Variants in COL28A1 observed in about 807,000 individuals in gnomAD.
COL28A1 encodes the protein collagen type XXVIII alpha 1 chain.
A neutral mutation model predicts 150.2 loss-of-function variants in COL28A1; 161 were observed. The observed-to-expected ratio is 1.07, with a 90% CI of 0.94 to 1.22. The LOEUF (loss-of-function observed/expected upper bound fraction) is 1.22, where lower values mean the gene tolerates loss of function less well. Ranked by LOEUF, COL28A1 falls within the 50% of genes most tolerant of loss-of-function variation. The probability of loss-of-function intolerance (pLI) is 0.00; values close to 1 mark genes in which losing one functional copy is unlikely to be tolerated. For missense variants in COL28A1, 1,617 were observed against 1,388.3 expected, an observed-to-expected ratio of 1.16 and a Z score of -2.62; for synonymous variants, 552 against 469.7, an observed-to-expected ratio of 1.18 and a Z score of -2.26.
rs1460074612 is a variant in COL28A1 at position 7,531,889 on chromosome 7, A to G, written c.140T>C (p.Ile47Thr). The G allele has an allele frequency of 1.2e-6, 2 of 1,600,462 alleles. No homozygotes were observed. Among genetic ancestry groups the G allele is most frequent in the Admixed American group, 1.7e-5 (1 of 59,494 alleles). ...GCTGTCCACGATGAAGACAATATCT[A>G]TGAAACAAATGGAGCCTGAAACAGA... Reference protein sequence around the residue: ...KSDVQGSICFIDIVFIVDSSE... With the variant: ...KSDVQGSICFTDIVFIVDSSE... Residue 47 changes from isoleucine (I) to threonine (T), a missense_variant, in exon 3 of 35, where the codon ATA (isoleucine) becomes ACA (threonine). Physicochemically the swap from Ile to Thr is moderately conservative, Grantham distance 89. Coordinates refer to ENST00000399429, the MANE Select transcript of COL28A1 (RefSeq NM_001037763.3).
intron 14 of COL28A1, 30 bp downstream of exon 14, chr7:7,477,080 GCA>G: frequency 1.1e-6 from 1 of 908,588 alleles, no homozygotes; most frequent in Non-Finnish European, 1.9e-6. Context: ...GTAAGACAAA[GCA>G]CCTTTTCCTG....
At chr7:7,380,730 G>GT in intron 29 of COL28A1, 35 bp from the exon 30 acceptor site, 5 of 1,613,006 alleles carry the variant, frequency 3.1e-6, no homozygotes, top group Non-Finnish European at 4.2e-6. Flanking sequence ...GTCAATATAG[G>GT]TTGGAACCAG....
At position 7,433,047 on chromosome 7, in the gene COL28A1, AATAAAAAC is replaced by A. The variant is rs558654319; in HGVS notation, c.1861-355_1861-348del. 5.9e-5 allele frequency among the ~76,000 whole-genome samples: 9 copies of A among 152,294 alleles called. No homozygotes were observed. The East Asian group carries it at 1.3e-3, about 23-fold the overall frequency. On this transcript the variant is annotated intron_variant, in intron 23 of 34. Coordinates refer to ENST00000399429, the MANE Select transcript of COL28A1 (RefSeq NM_001037763.3). ...CGGGGAATAAATAAACCCAGATGAA[AATAAAAAC>A]ACATTAATTTTTCAAAAACAAGTTA...
At chr7:7,526,060 G>A (rs1232399612) in intron 3 of COL28A1, among the ~76,000 whole-genome samples, 3 of 152,230 alleles carry the variant, frequency 2.0e-5, no homozygotes, top group Admixed American at 1.3e-4. Context: ...TAGGAACTCA[G>A]ATACACTGAT....
intron 25 of COL28A1, among the ~76,000 whole-genome samples, chr7:7,421,342 G>T (rs1343552729): frequency 6.6e-6 from 1 of 152,148 alleles, no homozygotes; most frequent in East Asian, 1.9e-4. Context: ...GGATTTTACT[G>T]GGGGGATAAA....
chr7:7,375,856 C>T (rs994999718), intron 30 of COL28A1, among the ~76,000 whole-genome samples: 2 of 152,120 alleles, frequency 1.3e-5, no homozygotes, highest in Admixed American at 1.3e-4. Flanking sequence ...TTTAACATAC[C>T]TACGGTGCTG....
At chr7:7,469,660 C>T (rs1176046355) in intron 15 of COL28A1, among the ~76,000 whole-genome samples, 3 of 100,270 alleles carry the variant, frequency 3.0e-5, no homozygotes, top group Admixed American at 1.2e-4. Context: ...AAGTCAATCC[C>T]AAGCCAAAAG....
intron 30 of COL28A1, among the ~76,000 whole-genome samples, chr7:7,379,426 C>A (rs891254339): frequency 2.0e-5 from 3 of 152,156 alleles, no homozygotes; most frequent in African/African-American, 7.2e-5. Flanking sequence ...GCCTATCCTG[C>A]CCTCAAACAC....
chr7:7,535,231 C>T (rs558303879), intron 1 of COL28A1, among the ~76,000 whole-genome samples: 1 of 152,068 alleles, frequency 6.6e-6, no homozygotes, highest in South Asian at 2.1e-4. Context: ...TACTTTTGGC[C>T]TAAAATTTAT....
intron 18 of COL28A1, among the ~76,000 whole-genome samples, chr7:7,445,935 C>T (rs375860366): frequency 1.3e-4 from 19 of 151,680 alleles, no homozygotes; most frequent in Admixed American, 2.0e-4. Flanking sequence ...CTCAGCTCAC[C>T]GCTACCTCCG....
chr7:7,535,444 A>G (rs1461847329), intron 1 of COL28A1, among the ~76,000 whole-genome samples: 1 of 152,178 alleles, frequency 6.6e-6, no homozygotes, highest in Non-Finnish European at 1.5e-5. Flanking sequence ...TCTATAACTA[A>G]TTCTGAATTG....
chr7:7,458,769 G>A (rs546266836), intron 15 of COL28A1, among the ~76,000 whole-genome samples: 1 of 152,238 alleles, frequency 6.6e-6, no homozygotes, highest in Admixed American at 6.5e-5. Flanking sequence ...ACTCACCCCA[G>A]GTCACGCAAC....
chr7:7,339,486 G>C, the COL28A1 span, among the ~76,000 whole-genome samples: 1 of 152,060 alleles, frequency 6.6e-6, no homozygotes, highest in East Asian at 1.9e-4. Flanking sequence ...GCAGAATACT[G>C]TTCTGACTCT....
intron 33 of COL28A1, among the ~76,000 whole-genome samples, chr7:7,364,441 T>G (rs186302162): frequency 1.4e-4 from 21 of 152,330 alleles, no homozygotes; most frequent in Non-Finnish European, 2.1e-4. Context: ...TCACTAATCC[T>G]TATCTTCCAT....
the COL28A1 span, among the ~76,000 whole-genome samples, chr7:7,348,844 G>A: frequency 6.6e-6 from 1 of 152,012 alleles, no homozygotes; most frequent in South Asian, 2.1e-4. Context: ...CTGGGCTCAG[G>A]TGAGCCTTCT....
intron 15 of COL28A1, among the ~76,000 whole-genome samples, chr7:7,464,191 C>CA (rs1787862976): frequency 6.6e-6 from 1 of 152,112 alleles, no homozygotes; most frequent in African/African-American, 2.4e-5. Context: ...AGAAATGAGA[C>CA]AGACAGCAAC....
rs1783976488 is a variant in COL28A1, at chr7:7,414,751, C to A, written c.2136+3108G>T. On this transcript the variant is annotated intron_variant, in intron 27 of 34. Coordinates refer to ENST00000399429, the MANE Select transcript of COL28A1 (RefSeq NM_001037763.3). ...TACAAATGGTAGCCAGAGTGAGTCT[C>A]TTCCAAACTGATCAGATCATTCTTC... 2.6e-5 allele frequency among the ~76,000 whole-genome samples: 4 copies of A among 152,210 alleles called. No homozygotes were observed. In the South Asian group the frequency reaches 8.3e-4, roughly 32 times the overall value.
intron 25 of COL28A1, among the ~76,000 whole-genome samples, chr7:7,424,985 T>G (rs910446113): frequency 3.3e-5 from 5 of 152,186 alleles, no homozygotes; most frequent in Non-Finnish European, 7.3e-5. Context: ...TTTCCCTTTT[T>G]AAATGAAAGA....
chr7:7,381,771 G>T (rs1298034781), intron 27 of COL28A1, among the ~76,000 whole-genome samples, 159 bp from the exon 28 acceptor site: 2 of 152,186 alleles, frequency 1.3e-5, no homozygotes, highest in Non-Finnish European at 2.9e-5. Flanking sequence ...ATATGTGTAT[G>T]TGTGTATGTG....
Sources: allele counts gnomAD v4.1 joint callset (sites outside exome capture counted in the v4.1 genomes callset), GRCh38; gene constraint gnomAD v4.1.1; transcripts MANE v1.5; gene names NCBI Gene and HGNC (gene_info 2026-07-23, HGNC 2026-07-21).